SCNN1G: variants seen among roughly 807,000 people sequenced by gnomAD.
SCNN1G encodes the protein sodium channel epithelial 1 subunit gamma.
SCNN1G carries 27 observed loss-of-function variants against 64.6 expected under a neutral mutation model. The ratio of observed to expected loss-of-function variants is 0.42; its 90% CI spans 0.31 to 0.58. SCNN1G has a LOEUF of 0.58. Among genes scored for constraint, SCNN1G ranks in the 20% least tolerant of loss-of-function variants. The probability of loss-of-function intolerance (pLI) is 0.18; values close to 1 mark genes in which losing one functional copy is unlikely to be tolerated. For synonymous variants in SCNN1G, 330 were observed against 314.2 expected (o/e 1.05, Z -0.53); for missense variants, 743 against 823.4 (o/e 0.90, Z 1.19).
chr16:23,204,667 A>T lies in SCNN1G; in HGVS notation c.1078-5083A>T, dbSNP rs184296248. ...GGTTTTCTTTAGGGTACTTTTTCAC[A>T]TGCAAAATAGTGAATGTTTACATAG... is the stretch of plus-strand genomic sequence containing the variant. On this transcript the variant is annotated intron_variant, in intron 6 of 12. Coordinates refer to ENST00000300061, the MANE Select transcript of SCNN1G (RefSeq NM_001039.4). Among the ~76,000 whole-genome samples the T allele has an allele frequency of 1.9e-4, 29 of 151,996 alleles. 1 individual carries two copies. Among genetic ancestry groups the T allele is most frequent in the African/African-American group, 7.0e-4 (29 of 41,468 alleles).
chr16:23,213,252 C>CT lies in SCNN1G; in HGVS notation c.1493+110dup, dbSNP rs376259589. ...TTCTGTATGTGTATGGCCAAATCCTCTTTTTTTTTTTTTTTTTTTTTATGG... is the reference window on the plus strand; with the variant it reads ...TTCTGTATGTGTATGGCCAAATCCTCTTTTTTTTTTTTTTTTTTTTTTATGG... On this transcript the variant is annotated intron_variant, in intron 11 of 12. Coordinates refer to ENST00000300061, the MANE Select transcript of SCNN1G (RefSeq NM_001039.4). The CT allele has an allele frequency of 0.18, 92,413 of 508,626 alleles. 53 individuals carry two copies. Among genetic ancestry groups the CT allele is most frequent in the South Asian group, 0.24 (10,660 of 44,056 alleles). 31.5% of individuals were successfully genotyped at this position (508,626 alleles called of 1,614,324 possible). A position where few individuals can be genotyped will look rare whatever the true frequency, so the allele number is the denominator to read the frequency against.
intron 1 of SCNN1G, among the ~76,000 whole-genome samples, chr16:23,183,693 A>G (rs1959558666): frequency 6.9e-6 from 1 of 144,952 alleles, no homozygotes; most frequent in African/African-American, 2.4e-5. Flanking sequence ...ATAGCACCTC[A>G]TATAACTGTA....
chr16:23,195,597 T>G (rs1727170294), intron 5 of SCNN1G, among the ~76,000 whole-genome samples: 1 of 152,242 alleles, frequency 6.6e-6, no homozygotes, highest in African/African-American at 2.4e-5. Flanking sequence ...GTGCACATAT[T>G]TCATGGGGAA....
At chr16:23,191,439 G>A (rs1253607067) in intron 3 of SCNN1G, among the ~76,000 whole-genome samples, 1 of 152,088 alleles carries the variant, frequency 6.6e-6, no homozygotes, top group Non-Finnish European at 1.5e-5. Flanking sequence ...ATGTTTGTTT[G>A]TTTGTTTTAG....
At position 23,189,191 on chromosome 16, in the gene SCNN1G, G is replaced by T. The variant is rs373805491; in HGVS notation, c.318-180G>T. ...GTCACCCATGAGCCTTTCCCCATTTGCCAGAGCCAGGGGTCACTTTGGATG... is the reference window on the plus strand; with the variant it reads ...GTCACCCATGAGCCTTTCCCCATTTTCCAGAGCCAGGGGTCACTTTGGATG... On this transcript the variant is annotated intron_variant, in intron 2 of 12. Coordinates refer to ENST00000300061, the MANE Select transcript of SCNN1G (RefSeq NM_001039.4). 1.2e-4 allele frequency among the ~76,000 whole-genome samples: 19 copies of T among 152,324 alleles called. 1 individual carries two copies. In the South Asian group the frequency reaches 3.9e-3, roughly 32 times the overall value.
At chr16:23,202,241 C>A in intron 6 of SCNN1G, among the ~76,000 whole-genome samples, 1 of 99,356 alleles carries the variant, frequency 1.0e-5, no homozygotes, top group Non-Finnish European at 1.9e-5. Flanking sequence ...TGATAGATGA[C>A]AGATGGATGG....
At position 23,209,963 on chromosome 16, in the gene SCNN1G, G is replaced by GT. The variant is rs72647519; in HGVS notation, c.1176+117dup. The GT allele has an allele frequency of 5.3e-4, 401 of 763,250 alleles. 1 individual carries two copies. Among genetic ancestry groups the GT allele is most frequent in the Non-Finnish European group, 7.9e-4 (339 of 428,526 alleles). 47.3% of individuals were successfully genotyped at this position (763,250 alleles called of 1,614,324 possible). On this transcript the variant is annotated intron_variant, in intron 7 of 12. Coordinates refer to ENST00000300061, the MANE Select transcript of SCNN1G (RefSeq NM_001039.4). ...AGGAACTCTGGTGAGGATCCCTGGG[G>GT]TTCATCCAGAGACCTCAAGAACAAA...
intron 2 of SCNN1G, among the ~76,000 whole-genome samples, chr16:23,186,803 T>G (rs1246602605): frequency 2.0e-5 from 3 of 152,152 alleles, no homozygotes; most frequent in Non-Finnish European, 4.4e-5. Context: ...AGTGACTTGT[T>G]TTTTTTCTTT....
At chr16:23,212,431 C>T (rs1960094606) in intron 8 of SCNN1G, among the ~76,000 whole-genome samples, 1 of 152,222 alleles carries the variant, frequency 6.6e-6, no homozygotes, top group Non-Finnish European at 1.5e-5. Flanking sequence ...TGCCCAAGGT[C>T]ACACAGCCAG....
chr16:23,208,647 TTC>T (rs1041351839), intron 6 of SCNN1G, among the ~76,000 whole-genome samples: 128 of 137,358 alleles, frequency 9.3e-4, no homozygotes, highest in Non-Finnish European at 2.0e-4. Flanking sequence ...CTTCCTTCCT[TTC>T]TCTCTCTCTC....
In SCNN1G at chr16:23,212,942, C is replaced by A. The variant is rs774463096; in HGVS notation, c.1431+48C>A. Reference sequence around the variant, plus strand: ...CCCCACTGAAGCCCCCAGCCTGGAGCCCCACTGACATTTTTGCTGTGTCCT... The same window carrying A: ...CCCCACTGAAGCCCCCAGCCTGGAGACCCACTGACATTTTTGCTGTGTCCT... On this transcript the variant is annotated intron_variant, in intron 10 of 12. Coordinates refer to ENST00000300061, the MANE Select transcript of SCNN1G (RefSeq NM_001039.4). 3.8e-6 allele frequency: 6 copies of A among 1,582,326 alleles called. No individual in the cohort carries two copies. The South Asian group carries it at 6.6e-5, about 18-fold the overall frequency.
intron 6 of SCNN1G, among the ~76,000 whole-genome samples, chr16:23,208,393 T>C (rs1960025325): frequency 6.6e-6 from 1 of 152,188 alleles, no homozygotes; most frequent in African/African-American, 2.4e-5. Flanking sequence ...ATTTTGAATT[T>C]TGAGTGACAA....
At position 23,212,701 on chromosome 16, in the gene SCNN1G, C is replaced by G. The variant is rs764425655; in HGVS notation, c.1318C>G (p.Arg440Gly). The change falls in exon 9 of 13, where the codon CGA becomes GGA. Residue 440 changes from arginine (R) to glycine (G), a missense_variant. Transcript: ENST00000300061. The stretch of plus-strand genomic sequence containing the variant: ...AGTGTATTGTTACTACCAACTGCAT[C>G]GAGCCTTTGTCCAGGAAGAGCTGGG... ...NWMYCYYQLH[R>G]AFVQEELGCQ... The G allele has an allele frequency of 6.2e-7, 1 of 1,614,108 alleles. No homozygotes were observed. The highest frequency in any genetic ancestry group is 8.5e-7 in the Non-Finnish European group (1 of 1,179,968).
rs1596777805 is a variant in SCNN1G, at chr16:23,212,604, C to T, written c.1295-74C>T. ...ATTAAAATGAGACTGCGGGGCTGTC[C>T]TTGGTGACCTGGGGATGGCCAGGAA... On this transcript the variant is annotated intron_variant, in intron 8 of 12. Coordinates refer to ENST00000300061, the MANE Select transcript of SCNN1G (RefSeq NM_001039.4). 5.2e-6 allele frequency: 6 copies of T among 1,151,364 alleles called. No homozygotes were observed. In the East Asian group the frequency reaches 9.3e-5, roughly 18 times the overall value. The allele number at this position is 1,151,364 out of a possible 1,614,324, so 71.3% of individuals were successfully genotyped here.
chr16:23,205,383 G>C (rs1276211908), intron 6 of SCNN1G, among the ~76,000 whole-genome samples: 1 of 152,078 alleles, frequency 6.6e-6, no homozygotes, highest in Non-Finnish European at 1.5e-5. Flanking sequence ...AGACAGCCTA[G>C]AGACCCAAAG....
intron 2 of SCNN1G, 80 bp downstream of exon 2, chr16:23,186,668 C>A: frequency 8.0e-7 from 1 of 1,242,748 alleles, no homozygotes; most frequent in Non-Finnish European, 1.2e-6. Context: ...AAGTGACACA[C>A]TGGCAGCCTG....
intron 5 of SCNN1G, among the ~76,000 whole-genome samples, chr16:23,195,259 C>T (rs888458022): frequency 1.1e-4 from 16 of 152,176 alleles, no homozygotes; most frequent in African/African-American, 3.9e-4. Context: ...GTTATTACTG[C>T]TATTATTACC....
chr16:23,192,328 C>T (rs1380491475), intron 3 of SCNN1G, 24 bp from the exon 4 acceptor site: 10 of 1,599,238 alleles, frequency 6.3e-6, no homozygotes, highest in Non-Finnish European at 8.6e-6. Context: ...ATGGCTTCAG[C>T]CTCGCATCTC....
chr16:23,189,954 C>T (rs539881525), intron 3 of SCNN1G, among the ~76,000 whole-genome samples: 3 of 152,240 alleles, frequency 2.0e-5, no homozygotes, highest in Admixed American at 2.0e-4. Context: ...CCTGTAATCT[C>T]AGCTACTTGG....
Sources: gnomAD v4.1 joint callset for allele counts (sites outside exome capture counted in the v4.1 genomes callset) on GRCh38, gnomAD v4.1.1 for gene constraint, MANE v1.5 for transcripts, NCBI Gene and HGNC (gene_info 2026-07-23, HGNC 2026-07-21) for gene names.